Variants in CCDC40 observed in about 807,000 individuals in gnomAD.
The protein encoded by CCDC40 is coiled-coil domain-containing protein 40.
In CCDC40, 104 loss-of-function variants were observed where a neutral mutation model predicts 124.5. The observed-to-expected ratio is 0.84, with a 90% CI of 0.71 to 0.98. CCDC40 has a LOEUF of 0.98. CCDC40 is among the 50% of genes least tolerant of loss of function. CCDC40 has a pLI of 0.00. For missense variants in CCDC40, 1,463 were observed against 1,503.9 expected, an observed-to-expected ratio of 0.97 and a Z score of 0.45; for synonymous variants, 580 against 602.9, an observed-to-expected ratio of 0.96 and a Z score of 0.56.
chr17:80,048,651 C>T lies in CCDC40; in HGVS notation c.745C>T (p.Gln249Ter). Residue 249 changes from glutamine (Q) to a stop codon, truncating the protein, a stop_gained, in exon 5 of 20, where the codon CAG (glutamine) becomes TAG (stop). Coordinates refer to ENST00000397545, the MANE Select transcript of CCDC40 (RefSeq NM_017950.4). LOFTEE classifies it high-confidence loss of function. ...CCTGCCAGTGTTCCAGGACCAGATC[C>T]AGCAGCCCAGCACCGAGGAGGGGGC... Reference protein sequence around the residue: ...GDLPVFQDQIQQPSTEEGAMA... With the variant: ...GDLPVFQDQI 6.2e-7 allele frequency: 1 copy of T among 1,614,104 alleles called. No individual in the cohort carries two copies. The highest frequency in any genetic ancestry group is 8.5e-7 in the Non-Finnish European group (1 of 1,180,008).
At chr17:80,071,538 T>C (rs1160575670) in intron 10 of CCDC40, among the ~76,000 whole-genome samples, 3 of 152,218 alleles carry the variant, frequency 2.0e-5, no homozygotes, top group Non-Finnish European at 4.4e-5. Flanking sequence ...GTTCTTTTTG[T>C]TTCATTTACA....
At chr17:80,053,901 G>A (rs1481864432) in intron 7 of CCDC40, among the ~76,000 whole-genome samples, 1 of 152,206 alleles carries the variant, frequency 6.6e-6, no homozygotes, top group African/African-American at 2.4e-5. Flanking sequence ...TGACCTACAT[G>A]TCAGTTAGAC....
At chr17:80,092,987 G>C (rs1283974601) in intron 17 of CCDC40, among the ~76,000 whole-genome samples, 2 of 152,126 alleles carry the variant, frequency 1.3e-5, no homozygotes, top group Non-Finnish European at 2.9e-5. Context: ...ATGTCCACTG[G>C]AGTCAGCCCT....
At chr17:80,091,302 T>TAC (rs71163919) in intron 17 of CCDC40, among the ~76,000 whole-genome samples, 9,683 of 139,354 alleles carry the variant, frequency 0.069, 413 homozygotes, top group Admixed American at 0.15. Flanking sequence ...ACCAGTAGAC[T>TAC]ACACACACAC....
At chr17:80,037,688 A>ATATATAT (rs1555889124) in intron 1 of CCDC40, among the ~76,000 whole-genome samples, 2,713 of 45,486 alleles carry the variant, frequency 0.06, 89 homozygotes, top group Non-Finnish European at 0.09. Flanking sequence ...TTTTTTAAAA[A>ATATATAT]AGATATACAT....
Position 80,070,592 on chromosome 17 carries a change from C to T in CCDC40, c.1562+4986C>T, listed in dbSNP as rs530496877. Among the ~76,000 whole-genome samples, 3 of 150,072 alleles carry T rather than the reference C, an allele frequency of 2.0e-5. No homozygotes were observed. The South Asian group carries it at 6.4e-4, about 32-fold the overall frequency. On this transcript the variant is annotated intron_variant, in intron 10 of 19. Coordinates refer to ENST00000397545, the MANE Select transcript of CCDC40 (RefSeq NM_017950.4). ...CTCCAGCCTGGGCAACAGAGCAAGACCCTGTCTCTCAAAAAATTTTTAATT... is the reference window on the plus strand; with the variant it reads ...CTCCAGCCTGGGCAACAGAGCAAGATCCTGTCTCTCAAAAAATTTTTAATT...
Position 80,040,065 on chromosome 17 carries a change from A to G in CCDC40, c.347A>G (p.Tyr116Cys). 6.2e-7 allele frequency: 1 copy of G among 1,614,156 alleles called. No individual in the cohort carries two copies. Among genetic ancestry groups the G allele is most frequent in the Non-Finnish European group, 8.5e-7 (1 of 1,179,976 alleles). Residue 116 changes from tyrosine (Y) to cysteine (C), a missense_variant, in exon 3 of 20, where the codon TAT becomes TGT. Transcript: ENST00000397545. ...AGTGCTGCAGATACGACTTACCCGT[A>G]TTTCAGTCCTCCTCAGGAACTGCCT... ...QISAADTTYP[Y>C]FSPPQELPGE...
At position 80,100,153 on chromosome 17, in the gene CCDC40, G is replaced by T. The variant is rs1283492408; in HGVS notation, c.*378G>T. ...TCCACAAGCTGGTGGGCTGAGCAGA[G>T]GTGGGAAAGTTAAGGCAGCTCCAGC... On this transcript the variant is annotated 3_prime_UTR_variant, in exon 20 of 20. Coordinates refer to ENST00000397545, the MANE Select transcript of CCDC40 (RefSeq NM_017950.4). 2 of 315,186 alleles carry T rather than the reference G, an allele frequency of 6.3e-6. No individual in the cohort carries two copies. Among genetic ancestry groups the T allele is most frequent in the African/African-American group, 2.2e-5 (1 of 45,918 alleles). The allele number at this position is 315,186 out of a possible 1,614,324, so 19.5% of individuals were successfully genotyped here. A position where few individuals can be genotyped will look rare whatever the true frequency, so the allele number is the denominator to read the frequency against.
At chr17:80,037,137 G>A (rs1250295763) in intron 1 of CCDC40, among the ~76,000 whole-genome samples, 4 of 152,154 alleles carry the variant, frequency 2.6e-5, no homozygotes, top group Non-Finnish European at 4.4e-5. Context: ...GCCCGGCCCC[G>A]CGCCTCCCTC....
chr17:80,068,877 G>T (rs189118510), intron 10 of CCDC40, among the ~76,000 whole-genome samples: 2 of 152,348 alleles, frequency 1.3e-5, no homozygotes, highest in East Asian at 3.9e-4. Flanking sequence ...TCTTATCTGT[G>T]GGGGAGGACA....
chr17:80,039,504 C>T (rs575671175), intron 2 of CCDC40, among the ~76,000 whole-genome samples: 1 of 151,818 alleles, frequency 6.6e-6, no homozygotes, highest in South Asian at 2.1e-4. Context: ...CTCTGCCTTC[C>T]GAGTTTAAGC....
intron 9 of CCDC40, 139 bp downstream of exon 9, chr17:80,059,119 G>C: frequency 9.2e-7 from 1 of 1,092,186 alleles, no homozygotes; most frequent in Non-Finnish European, 1.4e-6. Flanking sequence ...CAAACATCGG[G>C]CCCTCCCCAT....
In CCDC40 at chr17:80,058,806, C is replaced by T; in HGVS notation, c.1318-52C>T. On this transcript the variant is annotated intron_variant, in intron 8 of 19. Coordinates refer to ENST00000397545, the MANE Select transcript of CCDC40 (RefSeq NM_017950.4). This position sits in a 1 kb window ranked among gnomAD's most constrained non-coding sequence, Gnocchi z 4.2. Reference sequence around the variant, plus strand: ...GTATCAAGGGTTGGTGGAGAACAGGCCCTCAGCCACGGGCACCTCCTGACG... The same window carrying T: ...GTATCAAGGGTTGGTGGAGAACAGGTCCTCAGCCACGGGCACCTCCTGACG... 6.2e-7 allele frequency: 1 copy of T among 1,613,424 alleles called. No individual in the cohort carries two copies. The highest frequency in any genetic ancestry group is 8.5e-7 in the Non-Finnish European group (1 of 1,179,748).
Position 80,087,549 on chromosome 17 carries a change from C to T in CCDC40, c.2450-58C>T, listed in dbSNP as rs1288778981. 5 of 1,440,590 alleles carry T rather than the reference C, an allele frequency of 3.5e-6. No individual in the cohort carries two copies. The highest frequency in any genetic ancestry group is 2.3e-5 in the East Asian group (1 of 43,710). 89.2% of individuals were successfully genotyped at this position (1,440,590 alleles called of 1,614,324 possible). On this transcript the variant is annotated intron_variant, in intron 14 of 19. Coordinates refer to ENST00000397545, the MANE Select transcript of CCDC40 (RefSeq NM_017950.4). The surrounding 1 kb of genome is among the most constrained non-coding windows in gnomAD (Gnocchi z 4.5). ...CTCACCTCTCGGACACTGCTGCCTG[C>T]GGGCGAGGACCCGTACCCTCCTGGG... is the stretch of plus-strand genomic sequence containing the variant.
intron 10 of CCDC40, among the ~76,000 whole-genome samples, chr17:80,074,938 T>C (rs904023438): frequency 6.6e-6 from 1 of 152,120 alleles, no homozygotes; most frequent in African/African-American, 2.4e-5. Flanking sequence ...TCTTGGTTTT[T>C]TTGAGGTGGA....
chr17:80,070,290 C>T (rs1484767640), intron 10 of CCDC40, among the ~76,000 whole-genome samples: 1 of 152,222 alleles, frequency 6.6e-6, no homozygotes, highest in African/African-American at 2.4e-5. Context: ...AGAGTAACAA[C>T]CCCATTAAAA....
At chr17:80,088,135 TGAA>T (rs1466661934) in intron 16 of CCDC40, 33 bp downstream of exon 16, 1 of 1,447,278 alleles carries the variant, frequency 6.9e-7, no homozygotes, top group Non-Finnish European at 9.7e-7. Context: ...ACGTGGGTCA[TGAA>T]GGTCACTGCA....
At chr17:80,099,142 T>C (rs1458632614) in intron 19 of CCDC40, among the ~76,000 whole-genome samples, 1 of 151,056 alleles carries the variant, frequency 6.6e-6, no homozygotes, top group Non-Finnish European at 1.5e-5. Context: ...ATACAAAAAA[T>C]TAGCCGGGCC....
At chr17:80,074,660 A>G (rs561785716) in intron 10 of CCDC40, among the ~76,000 whole-genome samples, 39 of 152,280 alleles carry the variant, frequency 2.6e-4, no homozygotes, top group Non-Finnish European at 5.1e-4. Flanking sequence ...GTCACCCAAG[A>G]GTTTTGATGG....
Sources: allele counts gnomAD v4.1 joint callset (sites outside exome capture counted in the v4.1 genomes callset), GRCh38; gene constraint gnomAD v4.1.1; non-coding constraint Gnocchi (gnomAD v3.1); transcripts MANE v1.5; gene names NCBI Gene and HGNC (gene_info 2026-07-23, HGNC 2026-07-21).